The following IQCM variants were observed in gnomAD, a reference collection of about 807,000 sequenced individuals.
The protein encoded by IQCM is IQ motif containing M, also known as IQ domain-containing protein M.
In IQCM, 45 loss-of-function variants were observed where a neutral mutation model predicts 57.6. That is an observed-to-expected ratio of 0.78 (90% CI 0.62 to 1.00). The LOEUF (loss-of-function observed/expected upper bound fraction) is 1.00. IQCM is among the 50% of genes least tolerant of loss of function. The probability of loss-of-function intolerance (pLI) is 0.00; values close to 1 mark genes in which losing one functional copy is unlikely to be tolerated. For missense variants in IQCM, 468 were observed against 511.6 expected (o/e 0.91, Z 0.82); for synonymous variants, 148 against 158.9 (o/e 0.93, Z 0.51).
intron 5 of IQCM, among the ~76,000 whole-genome samples, chr4:149,718,432 G>A (rs2149847582): frequency 6.6e-6 from 1 of 152,294 alleles, no homozygotes; most frequent in Admixed American, 6.5e-5. Flanking sequence ...TAATATAGCT[G>A]CTGAATAAAT....
At chr4:149,510,246 G>A (rs1744265186) in intron 12 of IQCM, among the ~76,000 whole-genome samples, 2 of 152,140 alleles carry the variant, frequency 1.3e-5, no homozygotes, top group African/African-American at 4.8e-5. Context: ...GACTGAGCAT[G>A]GTTACTGGTC....
rs1343381174 is a variant in IQCM at position 149,373,574 on chromosome 4, T to C, written c.1391-21508A>G. 5.3e-5 allele frequency among the ~76,000 whole-genome samples: 8 copies of C among 152,162 alleles called. No homozygotes were observed. In the South Asian group the frequency reaches 1.0e-3, roughly 20 times the overall value. ...AGCTAGTCAACAGACTATAATTTTG[T>C]CTATTAAGTGAATATAAATTACCTG... On this transcript the variant is annotated intron_variant, in intron 13 of 13. Coordinates refer to ENST00000636793, the MANE Select transcript of IQCM (RefSeq NM_001363507.2).
At chr4:149,792,375 T>C (rs911593360) in intron 2 of IQCM, among the ~76,000 whole-genome samples, 2 of 152,082 alleles carry the variant, frequency 1.3e-5, no homozygotes, top group African/African-American at 2.4e-5. Context: ...CTGGGCAACA[T>C]AGTAAGACCC....
chr4:149,812,590 A>G (rs1348916101), intron 2 of IQCM, among the ~76,000 whole-genome samples: 2 of 151,986 alleles, frequency 1.3e-5, no homozygotes, highest in Non-Finnish European at 2.9e-5. Context: ...GTATTCTCTT[A>G]AAATTTAGCT....
At chr4:149,451,379 T>C (rs923087913) in intron 12 of IQCM, among the ~76,000 whole-genome samples, 9 of 151,818 alleles carry the variant, frequency 5.9e-5, no homozygotes, top group African/African-American at 2.2e-4. Flanking sequence ...CTTAAGGGGA[T>C]GGATACACCA....
chr4:149,611,109 GTCA>G (rs1755243889), intron 8 of IQCM, among the ~76,000 whole-genome samples: 1 of 151,874 alleles, frequency 6.6e-6, no homozygotes, highest in South Asian at 2.1e-4. Flanking sequence ...ATAAAAAATT[GTCA>G]TCATCACTAT....
At chr4:149,368,795 C>CAT (rs34345748) in intron 13 of IQCM, among the ~76,000 whole-genome samples, 15 of 85,230 alleles carry the variant, frequency 1.8e-4, no homozygotes, top group African/African-American at 5.5e-4. Context: ...TATATATATA[C>CAT]ATATATATAC....
intron 13 of IQCM, among the ~76,000 whole-genome samples, chr4:149,430,823 T>C (rs1342174690): frequency 6.6e-6 from 1 of 152,086 alleles, no homozygotes; most frequent in Non-Finnish European, 1.5e-5. Context: ...ATACAAGTTT[T>C]TGAATAGACA....
intron 12 of IQCM, among the ~76,000 whole-genome samples, chr4:149,467,921 A>G (rs1279542291): frequency 6.6e-6 from 1 of 152,174 alleles, no homozygotes; most frequent in African/African-American, 2.4e-5. Context: ...CATTTCATCA[A>G]TGCAGGGCAC....
chr4:149,589,940 A>G (rs1296408029), intron 8 of IQCM, among the ~76,000 whole-genome samples: 1 of 152,048 alleles, frequency 6.6e-6, no homozygotes, highest in Non-Finnish European at 1.5e-5. Context: ...CTTTTACACA[A>G]AACAATACAC....
intron 9 of IQCM, among the ~76,000 whole-genome samples, chr4:149,579,768 T>C (rs556565147): frequency 6.6e-6 from 1 of 151,918 alleles, no homozygotes; most frequent in African/African-American, 2.4e-5. Flanking sequence ...CTTGGAGGTA[T>C]ATGAGGGAGT....
intron 7 of IQCM, among the ~76,000 whole-genome samples, chr4:149,655,653 G>C (rs976682254): frequency 2.0e-5 from 3 of 152,016 alleles, no homozygotes; most frequent in Non-Finnish European, 2.9e-5. Context: ...TTGTGTAAGA[G>C]ACAGTAACTA....
intron 5 of IQCM, among the ~76,000 whole-genome samples, chr4:149,696,361 A>G (rs1763340711): frequency 6.6e-6 from 1 of 152,066 alleles, no homozygotes; most frequent in Non-Finnish European, 1.5e-5. Flanking sequence ...GTCAATTGTC[A>G]ATCTCTTTTG....
intron 13 of IQCM, among the ~76,000 whole-genome samples, chr4:149,399,849 A>G (rs1386455964): frequency 6.6e-6 from 1 of 152,130 alleles, no homozygotes; most frequent in East Asian, 1.9e-4. Context: ...CCTAAATCGT[A>G]GCAAGTTCTC....
At chr4:149,700,504 C>T (rs988277) in intron 5 of IQCM, among the ~76,000 whole-genome samples, 22,584 of 151,936 alleles carry the variant, frequency 0.15, 2,111 homozygotes, top group South Asian at 0.34. Context: ...TCTTTTAGCT[C>T]ACAGCTGGGT....
At position 149,621,241 on chromosome 4, in the gene IQCM, TTGTC is replaced by T; in HGVS notation, c.566-1_568del. 1 of 1,225,202 alleles carries T rather than the reference TTGTC, an allele frequency of 8.2e-7. No individual in the cohort carries two copies. Among genetic ancestry groups the T allele is most frequent in the Non-Finnish European group, 1.0e-6 (1 of 981,642 alleles). 75.9% of individuals were successfully genotyped at this position (1,225,202 alleles called of 1,614,324 possible). A position where few individuals can be genotyped will look rare whatever the true frequency, so the allele number is the denominator to read the frequency against. ...AAATCCTCTCCAGTCATAGAATGCT[TTGTC>T]TGTTAGAAATATCAATGCAGGTTAA... is the stretch of plus-strand genomic sequence containing the variant. On this transcript the variant is annotated splice_acceptor_variant and coding_sequence_variant, in exon 8 of 14. Transcript: ENST00000636793. LOFTEE classifies it high-confidence loss of function.
chr4:149,726,127 G>GA (rs1245855373), intron 5 of IQCM, among the ~76,000 whole-genome samples: 1 of 142,276 alleles, frequency 7.0e-6, no homozygotes, highest in East Asian at 2.0e-4. Flanking sequence ...AAGAAAGAAA[G>GA]AAAGAAAGAA....
At chr4:149,734,396 A>G (rs938202092) in intron 4 of IQCM, among the ~76,000 whole-genome samples, 1 of 152,212 alleles carries the variant, frequency 6.6e-6, no homozygotes, top group African/African-American at 2.4e-5. Context: ...TGAAATTAAT[A>G]TAATTGAAAA....
chr4:149,698,322 A>G (rs879607999), intron 5 of IQCM, among the ~76,000 whole-genome samples: 8 of 152,108 alleles, frequency 5.3e-5, no homozygotes, highest in Non-Finnish European at 1.2e-4. Context: ...TAATCCCATA[A>G]TCCCATAATA....
Sources: gnomAD v4.1 joint callset for allele counts (sites outside exome capture counted in the v4.1 genomes callset) on GRCh38, gnomAD v4.1.1 for gene constraint, MANE v1.5 for transcripts, NCBI Gene and HGNC (gene_info 2026-07-23, HGNC 2026-07-21) for gene names.